The following CALCRL variants were observed in gnomAD, a reference collection of about 807,000 sequenced individuals.
The protein encoded by CALCRL is calcitonin gene-related peptide type 1 receptor.
Under a neutral mutation model 60.4 loss-of-function variants are expected in CALCRL, and 27 were observed. The observed-to-expected ratio is 0.45, with a 90% CI of 0.33 to 0.62. The LOEUF is 0.62. Ranked by LOEUF, CALCRL falls within the 20% of genes least tolerant of loss-of-function variation. CALCRL has a pLI of 0.03. For synonymous variants in CALCRL, 190 were observed against 182.6 expected (o/e 1.04, Z -0.33); for missense variants, 424 against 540.7 (o/e 0.78, Z 2.14).
chr2:187,416,647 A>G (rs1355355261), intron 1 of CALCRL, among the ~76,000 whole-genome samples: 1 of 152,176 alleles, frequency 6.6e-6, no homozygotes, highest in Non-Finnish European at 1.5e-5. Context: ...CAAGTTACCA[A>G]GTGTATGGTC....
chr2:187,387,657 A>G lies in CALCRL; in HGVS notation c.-202+9T>C, dbSNP rs900520221. On this transcript the variant is annotated intron_variant, in intron 2 of 14. Transcript: ENST00000392370. ...TTACCATGAGAAAATTTAATTTCCC[A>G]ATACTTACATGCACAATTGTCTCCA... is the stretch of plus-strand genomic sequence containing the variant. 2.5e-6 allele frequency: 1 copy of G among 396,672 alleles called. No individual in the cohort carries two copies. Among genetic ancestry groups the G allele is most frequent in the Non-Finnish European group, 4.4e-6 (1 of 224,906 alleles). The allele number at this position is 396,672 out of a possible 1,614,324, so 24.6% of individuals were successfully genotyped here.
At chr2:187,414,905 G>T (rs1420075067) in intron 1 of CALCRL, among the ~76,000 whole-genome samples, 1 of 148,642 alleles carries the variant, frequency 6.7e-6, no homozygotes, top group African/African-American at 2.5e-5. Context: ...AAAAAAGGTA[G>T]TCTCTTTTTT....
At chr2:187,404,931 G>C (rs1384361792) in intron 1 of CALCRL, among the ~76,000 whole-genome samples, 1 of 151,930 alleles carries the variant, frequency 6.6e-6, no homozygotes, top group African/African-American at 2.4e-5. Context: ...GCGAGACACA[G>C]GGCAGAGAGC....
intron 1 of CALCRL, among the ~76,000 whole-genome samples, chr2:187,390,129 A>T (rs183960105): frequency 6.3e-4 from 96 of 152,240 alleles, no homozygotes; most frequent in Middle Eastern, 6.8e-3. Context: ...CTACAAGTCT[A>T]CTTTCTTACA....
rs1686116714 is a variant in CALCRL, at chr2:187,342,165, T to C, written c.*4019A>G. Among the ~76,000 whole-genome samples, 6 of 151,750 alleles carry C rather than the reference T, an allele frequency of 4.0e-5. No individual in the cohort carries two copies. The South Asian group carries it at 1.2e-3, about 31-fold the overall frequency. On this transcript the variant is annotated 3_prime_UTR_variant, in exon 15 of 15. Transcript: ENST00000392370. Reference sequence around the variant, plus strand: ...AAGGTCACATACTATATGATTACAATCATATGAAAGTCTAGAATAGGGAAA... The same window carrying C: ...AAGGTCACATACTATATGATTACAACCATATGAAAGTCTAGAATAGGGAAA...
At chr2:187,347,838 A>G (rs540603642) in intron 14 of CALCRL, among the ~76,000 whole-genome samples, 4 of 151,934 alleles carry the variant, frequency 2.6e-5, no homozygotes, top group Admixed American at 1.3e-4. Flanking sequence ...TATAAAGCCA[A>G]CAATGTGTTT....
chr2:187,424,827 C>G (rs541596018), intron 1 of CALCRL, among the ~76,000 whole-genome samples: 21 of 151,978 alleles, frequency 1.4e-4, no homozygotes, highest in Non-Finnish European at 2.2e-4. Flanking sequence ...TTTGTCAAAA[C>G]TGATATATCC....
chr2:187,376,266 TA>T (rs1180258432), intron 8 of CALCRL, among the ~76,000 whole-genome samples: 1 of 152,172 alleles, frequency 6.6e-6, no homozygotes, highest in Non-Finnish European at 1.5e-5. Flanking sequence ...TTAATTGAGC[TA>T]TTTTTTTCTC....
At position 187,365,216 on chromosome 2, in the gene CALCRL, A is replaced by G. The variant is rs528268743; in HGVS notation, c.501-1714T>C. Among the ~76,000 whole-genome samples, 4 of 152,338 alleles carry G rather than the reference A, an allele frequency of 2.6e-5. 1 individual carries two copies. In the South Asian group the frequency reaches 8.3e-4, roughly 32 times the overall value. Reference sequence around the variant, plus strand: ...CATTGAGCATGAAGAGAGTTAATGAATATCAGAAAAAGTCTAGTAAATAAT... The same window carrying G: ...CATTGAGCATGAAGAGAGTTAATGAGTATCAGAAAAAGTCTAGTAAATAAT... On this transcript the variant is annotated intron_variant, in intron 8 of 14. Transcript: ENST00000392370.
intron 1 of CALCRL, among the ~76,000 whole-genome samples, chr2:187,414,260 T>C (rs964510974): frequency 2.6e-5 from 4 of 152,118 alleles, no homozygotes; most frequent in Non-Finnish European, 4.4e-5. Flanking sequence ...GATGTGAGTA[T>C]GGGAAAGGCA....
intron 12 of CALCRL, among the ~76,000 whole-genome samples, chr2:187,358,586 G>T (rs1426112718): frequency 4.7e-5 from 7 of 150,404 alleles, no homozygotes; most frequent in Admixed American, 4.6e-4. Flanking sequence ...TCTGTGAACA[G>T]CTTCACCCAG....
In CALCRL at chr2:187,366,029, G is replaced by T. The variant is rs552082233; in HGVS notation, c.501-2527C>A. On this transcript the variant is annotated intron_variant, in intron 8 of 14. Coordinates refer to ENST00000392370, the MANE Select transcript of CALCRL (RefSeq NM_005795.6). ...GAGGCCGAGGCGGGTGGATCATGAG[G>T]TCAGGAGATCGAGACCATCCTGGCT... 6.5e-4 allele frequency among the ~76,000 whole-genome samples: 98 copies of T among 151,360 alleles called. No individual in the cohort carries two copies. In the Middle Eastern group the frequency reaches 0.014, roughly 21 times the overall value.
intron 8 of CALCRL, among the ~76,000 whole-genome samples, chr2:187,371,115 T>G (rs1182016930): frequency 5.9e-5 from 9 of 151,802 alleles, no homozygotes; most frequent in Non-Finnish European, 1.5e-5. Context: ...GGTGGCGGGC[T>G]CCTGCATAGT....
At chr2:187,375,753 TA>T (rs1687731550) in intron 8 of CALCRL, among the ~76,000 whole-genome samples, 2 of 152,188 alleles carry the variant, frequency 1.3e-5, no homozygotes, top group Admixed American at 6.5e-5. Flanking sequence ...AATAATTTTG[TA>T]AATATATACA....
chr2:187,390,910 G>A (rs986151141), intron 1 of CALCRL, among the ~76,000 whole-genome samples: 1 of 152,134 alleles, frequency 6.6e-6, no homozygotes, highest in Non-Finnish European at 1.5e-5. Flanking sequence ...AAATCATTTG[G>A]TAGTGCAATT....
chr2:187,440,973 T>G (rs901306531), intron 1 of CALCRL, among the ~76,000 whole-genome samples: 2 of 152,052 alleles, frequency 1.3e-5, no homozygotes, highest in African/African-American at 4.8e-5. Context: ...TTTGCTCATA[T>G]CTCATTTGAA....
chr2:187,346,368 T>C lies in CALCRL; in HGVS notation c.1202A>G (p.Gln401Arg), dbSNP rs1248487504. 1 of 1,611,552 alleles carries C rather than the reference T, an allele frequency of 6.2e-7. No individual in the cohort carries two copies. Among genetic ancestry groups the C allele is most frequent in the Non-Finnish European group, 8.5e-7 (1 of 1,178,580 alleles). ...VQAILRRNWNQYKIQFGNSFS... is the reference protein window; with the variant it reads ...VQAILRRNWNRYKIQFGNSFS... ...GCTGTTTCCAAATTGGATTTTGTAT[T>C]GATTCCAGTTTCTTCTCAGAATTGC... Residue 401 changes from glutamine to arginine, a missense_variant, in exon 15 of 15, where the codon CAA (glutamine) becomes CGA (arginine). Gln to Arg is a conservative substitution (Grantham distance 43, BLOSUM62 1). This residue lies in a region of CALCRL where 222 missense variants were observed against 265.6 expected (regional missense o/e 0.84). Transcript: ENST00000392370.
At chr2:187,393,270 G>T (rs1167664041) in intron 1 of CALCRL, among the ~76,000 whole-genome samples, 2 of 152,090 alleles carry the variant, frequency 1.3e-5, no homozygotes, top group African/African-American at 4.8e-5. Flanking sequence ...TGCATGTTTA[G>T]TAAGCACCCA....
chr2:187,348,684 T>C (rs916068757), intron 14 of CALCRL, among the ~76,000 whole-genome samples: 1 of 151,716 alleles, frequency 6.6e-6, no homozygotes, highest in African/African-American at 2.4e-5. Context: ...TGTGAGGTCT[T>C]ACTATAGTTA....
Sources: allele counts gnomAD v4.1 joint callset (sites outside exome capture counted in the v4.1 genomes callset), GRCh38; gene constraint gnomAD v4.1.1; regional missense constraint gnomAD v4.1.1; transcripts MANE v1.5; gene names NCBI Gene and HGNC (gene_info 2026-07-23, HGNC 2026-07-21).